Variants in PDE8A observed in about 807,000 individuals in gnomAD.
The protein encoded by PDE8A is phosphodiesterase 8A.
In PDE8A, 59 loss-of-function variants were observed where a neutral mutation model predicts 105.0. That is an observed-to-expected ratio of 0.56 (90% CI 0.46 to 0.70). PDE8A has a LOEUF of 0.70. Ranked by LOEUF, PDE8A falls within the 30% of genes least tolerant of loss-of-function variation. The pLI is 0.00. For synonymous variants in PDE8A, 355 were observed against 371.9 expected, an observed-to-expected ratio of 0.95 and a Z score of 0.52; for missense variants, 1,014 against 1,045.9, an observed-to-expected ratio of 0.97 and a Z score of 0.42.
chr15:85,009,487 CT>C (rs771537871), intron 1 of PDE8A, among the ~76,000 whole-genome samples: 3 of 152,090 alleles, frequency 2.0e-5, no homozygotes, highest in African/African-American at 4.8e-5. Context: ...AAATTTAGGA[CT>C]TTTCGTTGGT....
rs147983700 is a variant in PDE8A at position 85,131,889 on chromosome 15, C to T, written c.2254-4645C>T. 3.0e-3 allele frequency among the ~76,000 whole-genome samples: 459 copies of T among 152,236 alleles called. 3 individuals are homozygous for T. Among genetic ancestry groups the T allele is most frequent in the African/African-American group, 0.01 (434 of 41,546 alleles). On this transcript the variant is annotated intron_variant, in intron 20 of 21. Transcript: ENST00000394553. ...GAATTTTCAGTTGACAGTTTTTTAT[C>T]TTTTAGCACTTCATATATATAATTT...
chr15:85,048,676 G>T (rs140928726), intron 1 of PDE8A, among the ~76,000 whole-genome samples: 1 of 152,340 alleles, frequency 6.6e-6, no homozygotes, highest in African/African-American at 2.4e-5. Flanking sequence ...TTCATTAAGT[G>T]CTGGTGCCAC....
At chr15:85,105,631 A>G (rs553016677) in intron 11 of PDE8A, among the ~76,000 whole-genome samples, 1 of 152,178 alleles carries the variant, frequency 6.6e-6, no homozygotes, top group Admixed American at 6.5e-5. Flanking sequence ...ATTTTTCTGT[A>G]TTGAAAGGGT....
chr15:84,982,398 A>G, intron 1 of PDE8A, 50 bp downstream of exon 1: 1 of 1,228,094 alleles, frequency 8.1e-7, no homozygotes, highest in African/African-American at 1.6e-5. Flanking sequence ...GGGCCCGGCC[A>G]GTAAGCAACT....
rs377121954 is a variant in PDE8A at position 85,020,911 on chromosome 15, A to G, written c.186+38563A>G. ...AAGATCATCAAATTAACATTGTTAC[A>G]GTATTGTTAGTACCACAGACCTTAT... On this transcript the variant is annotated intron_variant, in intron 1 of 21. Transcript: ENST00000394553. Among the ~76,000 whole-genome samples the G allele has an allele frequency of 4.6e-5, 7 of 152,210 alleles. No homozygotes were observed. In the East Asian group the frequency reaches 9.6e-4, roughly 21 times the overall value.
At chr15:85,015,022 T>G (rs2080301386) in intron 1 of PDE8A, among the ~76,000 whole-genome samples, 3 of 152,188 alleles carry the variant, frequency 2.0e-5, no homozygotes, top group Admixed American at 1.3e-4. Context: ...AGTAAAATCA[T>G]ATAATTTCTG....
At chr15:85,116,427 G>T in intron 16 of PDE8A, 1 of 325,604 alleles carries the variant, frequency 3.1e-6, no homozygotes, top group Non-Finnish European at 5.7e-6. Flanking sequence ...ATTGCTGTAA[G>T]AGATCTGCTC....
At chr15:85,034,608 G>A (rs1409167964) in intron 1 of PDE8A, among the ~76,000 whole-genome samples, 3 of 152,206 alleles carry the variant, frequency 2.0e-5, no homozygotes, top group Admixed American at 6.5e-5. Context: ...ACTAATAGAG[G>A]TATAGGGTCT....
At chr15:85,038,023 C>G (rs1028880004) in intron 1 of PDE8A, among the ~76,000 whole-genome samples, 2 of 152,170 alleles carry the variant, frequency 1.3e-5, no homozygotes, top group Non-Finnish European at 2.9e-5. Context: ...ATATTTGTTA[C>G]GTTTTACAAA....
intron 3 of PDE8A, among the ~76,000 whole-genome samples, chr15:85,069,464 C>G (rs146594895): frequency 2.4e-4 from 36 of 152,280 alleles, no homozygotes; most frequent in Non-Finnish European, 4.6e-4. Flanking sequence ...AATGGACTTC[C>G]AACACTGGAG....
intron 20 of PDE8A, among the ~76,000 whole-genome samples, chr15:85,135,068 G>C (rs993170426): frequency 6.6e-6 from 1 of 152,190 alleles, no homozygotes; most frequent in African/African-American, 2.4e-5. Flanking sequence ...GTGAGTGCAA[G>C]CATGGGAACG....
At chr15:85,121,040 T>A (rs1454888792) in intron 18 of PDE8A, 26 bp downstream of exon 18, 1 of 1,393,350 alleles carries the variant, frequency 7.2e-7, no homozygotes, top group South Asian at 1.2e-5. Context: ...GGGAAGTGTG[T>A]TGATCCCTCT....
intron 1 of PDE8A, among the ~76,000 whole-genome samples, chr15:85,036,755 G>A (rs1487489536): frequency 6.6e-6 from 1 of 152,090 alleles, no homozygotes; most frequent in Non-Finnish European, 1.5e-5. Context: ...GCAGCAGGAG[G>A]GACACAGTAG....
chr15:85,050,715 A>G (rs2080959589), intron 1 of PDE8A, among the ~76,000 whole-genome samples: 1 of 152,196 alleles, frequency 6.6e-6, no homozygotes, highest in Non-Finnish European at 1.5e-5. Context: ...TGATCACTGT[A>G]GCTTTGTAGT....
intron 1 of PDE8A, among the ~76,000 whole-genome samples, chr15:85,003,249 C>T (rs1219912371): frequency 6.6e-6 from 1 of 152,200 alleles, no homozygotes; most frequent in Non-Finnish European, 1.5e-5. Context: ...TCATTGGTGC[C>T]ATCTTTGTTT....
In PDE8A at chr15:85,100,804, G is replaced by A. The variant is rs16974847; in HGVS notation, c.1036+606G>A. ...GAAGCGCCACTCCAGCTTCAGGCAG[G>A]AGGTGCTCCGTCAAGTGTCTGTGTA... On this transcript the variant is annotated intron_variant, in intron 11 of 21. Coordinates refer to ENST00000394553, the MANE Select transcript of PDE8A (RefSeq NM_002605.3). 4.6e-5 allele frequency among the ~76,000 whole-genome samples: 7 copies of A among 152,206 alleles called. No homozygotes were observed. In the East Asian group the frequency reaches 9.6e-4, roughly 21 times the overall value.
At chr15:84,984,576 C>T (rs969406827) in intron 1 of PDE8A, among the ~76,000 whole-genome samples, 2 of 152,122 alleles carry the variant, frequency 1.3e-5, no homozygotes, top group Non-Finnish European at 2.9e-5. Flanking sequence ...CTTTTATAGT[C>T]CTACAGCATT....
In PDE8A at chr15:85,050,308, TA is replaced by T. The variant is rs1042986998; in HGVS notation, c.187-14058del. On this transcript the variant is annotated intron_variant, in intron 1 of 21. Transcript: ENST00000394553. The stretch of plus-strand genomic sequence containing the variant: ...TGTTGTCTTTTTATGCACAAAATTT[TA>T]AAATTTTGATGAAGTTTAATTTGTC... Among the ~76,000 whole-genome samples, 349 of 152,332 alleles carry T rather than the reference TA, an allele frequency of 2.3e-3. 1 individual carries two copies. Among genetic ancestry groups the T allele is most frequent in the African/African-American group, 8.1e-3 (336 of 41,586 alleles).
chr15:85,113,837 G>T, intron 13 of PDE8A, 36 bp from the exon 14 acceptor site: 1 of 1,542,772 alleles, frequency 6.5e-7, no homozygotes, highest in Non-Finnish European at 8.9e-7. Context: ...TGTTTTTAAG[G>T]TTATGAAACT....
Sources: gnomAD v4.1 joint callset for allele counts (sites outside exome capture counted in the v4.1 genomes callset) on GRCh38, gnomAD v4.1.1 for gene constraint, MANE v1.5 for transcripts, NCBI Gene and HGNC (gene_info 2026-07-23, HGNC 2026-07-21) for gene names.